UBE2E2: variants seen among roughly 807,000 people sequenced by gnomAD.
The protein encoded by UBE2E2 is ubiquitin-conjugating enzyme E2 E2.
UBE2E2 carries 6 observed loss-of-function variants against 24.7 expected under a neutral mutation model. The observed-to-expected ratio is 0.24, with a 90% CI of 0.13 to 0.48. The LOEUF is 0.48. Ranked by LOEUF, UBE2E2 falls within the 20% of genes least tolerant of loss-of-function variation. The pLI is 0.99. For synonymous variants in UBE2E2, 104 were observed against 83.6 expected (o/e 1.24, Z -1.33); for missense variants, 169 against 245.0 (o/e 0.69, Z 2.07).
At chr3:23,251,442 C>A (rs182774355) in intron 3 of UBE2E2, among the ~76,000 whole-genome samples, 8 of 152,146 alleles carry the variant, frequency 5.3e-5, no homozygotes, top group African/African-American at 1.9e-4. Context: ...CATTTACATT[C>A]GAATCATCAT....
At chr3:23,526,555 C>T (rs556166935) in intron 4 of UBE2E2, among the ~76,000 whole-genome samples, 2 of 152,162 alleles carry the variant, frequency 1.3e-5, no homozygotes. Context: ...TTCATGATTT[C>T]ATGAGGAGGT....
intron 3 of UBE2E2, among the ~76,000 whole-genome samples, chr3:23,413,465 G>C (rs1697544923): frequency 1.3e-5 from 2 of 151,940 alleles, no homozygotes; most frequent in South Asian, 4.2e-4. Flanking sequence ...TTTTGGCCTT[G>C]TCCCTGCCTT....
intron 3 of UBE2E2, among the ~76,000 whole-genome samples, chr3:23,450,816 G>C (rs1312670019): frequency 6.6e-6 from 1 of 151,958 alleles, no homozygotes; most frequent in Non-Finnish European, 1.5e-5. Flanking sequence ...CCTTACATTA[G>C]TATAGTATGT....
At chr3:23,285,367 G>C (rs901930131) in intron 3 of UBE2E2, among the ~76,000 whole-genome samples, 5 of 152,152 alleles carry the variant, frequency 3.3e-5, no homozygotes, top group African/African-American at 1.2e-4. Flanking sequence ...TTGATAAATT[G>C]ATTCCTTTCT....
intron 3 of UBE2E2, among the ~76,000 whole-genome samples, chr3:23,272,234 G>T (rs890813854): frequency 6.6e-6 from 1 of 152,198 alleles, no homozygotes; most frequent in African/African-American, 2.4e-5. Flanking sequence ...ACTGCTGGGG[G>T]ATCCGGCGCT....
chr3:23,518,043 C>A (rs1423454732), intron 4 of UBE2E2, among the ~76,000 whole-genome samples: 1 of 151,722 alleles, frequency 6.6e-6, no homozygotes, highest in East Asian at 1.9e-4. Context: ...TTTTCTTTTT[C>A]CTTGTTTCTA....
chr3:23,495,974 C>G (rs1699589726), intron 3 of UBE2E2, among the ~76,000 whole-genome samples: 1 of 152,274 alleles, frequency 6.6e-6, no homozygotes, highest in South Asian at 2.1e-4. Context: ...CCTTCATTTC[C>G]TATCTCTACA....
At chr3:23,384,841 C>T (rs13066741) in intron 3 of UBE2E2, among the ~76,000 whole-genome samples, 10,981 of 152,138 alleles carry the variant, frequency 0.072, 519 homozygotes, top group Non-Finnish European at 0.088. Flanking sequence ...ACACCTGGCC[C>T]CTGGATGTAA....
upstream of UBE2E2, chr3:23,203,218 C>T: frequency 1.0e-6 from 1 of 987,360 alleles, no homozygotes; most frequent in Admixed American, 6.2e-5. Context: ...GCCTCAGGAG[C>T]CGGAGCTGGA....
intron 3 of UBE2E2, among the ~76,000 whole-genome samples, chr3:23,245,775 T>A (rs1182006161): frequency 1.3e-5 from 2 of 152,200 alleles, no homozygotes; most frequent in Non-Finnish European, 2.9e-5. Context: ...TTATGAGGTC[T>A]ACCAAATAAT....
chr3:23,273,189 C>G (rs1183217583), intron 3 of UBE2E2, among the ~76,000 whole-genome samples: 5 of 152,102 alleles, frequency 3.3e-5, no homozygotes, highest in Non-Finnish European at 7.4e-5. Context: ...TAGTAAGAAG[C>G]AATATAGTAA....
At chr3:23,276,497 G>A (rs983395695) in intron 3 of UBE2E2, among the ~76,000 whole-genome samples, 28 of 152,088 alleles carry the variant, frequency 1.8e-4, no homozygotes, top group African/African-American at 6.0e-4. Context: ...AGGGAAAAAA[G>A]CTAGAAAGTT....
At chr3:23,323,046 C>T (rs1254228268) in intron 3 of UBE2E2, among the ~76,000 whole-genome samples, 1 of 151,730 alleles carries the variant, frequency 6.6e-6, no homozygotes, top group African/African-American at 2.4e-5. Flanking sequence ...CTATACATTT[C>T]ACTTAATTTT....
At chr3:23,234,958 C>G (rs1401552690) in intron 3 of UBE2E2, among the ~76,000 whole-genome samples, 2 of 152,122 alleles carry the variant, frequency 1.3e-5, no homozygotes, top group Non-Finnish European at 2.9e-5. Flanking sequence ...ATATCTCCTA[C>G]TAGGTTAAGT....
At chr3:23,320,876 T>G (rs1432783875) in intron 3 of UBE2E2, among the ~76,000 whole-genome samples, 1 of 152,236 alleles carries the variant, frequency 6.6e-6, no homozygotes, top group African/African-American at 2.4e-5. Context: ...AGTATTAGTT[T>G]CCTAGGGCTG....
At chr3:23,576,484 A>G (rs1696349998) in intron 5 of UBE2E2, among the ~76,000 whole-genome samples, 1 of 152,176 alleles carries the variant, frequency 6.6e-6, no homozygotes. Context: ...GAATGCTGTT[A>G]AAATCACCAC....
At chr3:23,325,758 G>C (rs776160573) in intron 3 of UBE2E2, among the ~76,000 whole-genome samples, 1 of 152,196 alleles carries the variant, frequency 6.6e-6, no homozygotes, top group Non-Finnish European at 1.5e-5. Context: ...TAACCCCTCC[G>C]TATCACTGAC....
intron 3 of UBE2E2, among the ~76,000 whole-genome samples, chr3:23,306,388 G>A (rs972841571): frequency 6.6e-6 from 1 of 152,086 alleles, no homozygotes; most frequent in Non-Finnish European, 1.5e-5. Flanking sequence ...GTTGTGGCTT[G>A]GATCTAAAGA....
intron 3 of UBE2E2, among the ~76,000 whole-genome samples, chr3:23,297,225 G>C (rs989330180): frequency 2.6e-5 from 4 of 151,992 alleles, no homozygotes; most frequent in African/African-American, 4.8e-5. Flanking sequence ...TGTCAGATGA[G>C]TAGGTTGCAA....
Sources: gnomAD v4.1 joint callset for allele counts (sites outside exome capture counted in the v4.1 genomes callset) on GRCh38, gnomAD v4.1.1 for gene constraint, MANE v1.5 for transcripts, NCBI Gene and HGNC (gene_info 2026-07-23, HGNC 2026-07-21) for gene names.